The following NAV2 variants were observed in gnomAD, a reference collection of about 807,000 sequenced individuals.
NAV2 encodes neuron navigator 2, also known as helicase, APC down-regulated 1.
Under a neutral mutation model 223.2 loss-of-function variants are expected in NAV2, and 54 were observed. The observed-to-expected ratio is 0.24, with a 90% CI of 0.19 to 0.30. The LOEUF (loss-of-function observed/expected upper bound fraction) is 0.30, where lower values mean the gene tolerates loss of function less well. Ranked by LOEUF, NAV2 falls within the 10% of genes least tolerant of loss-of-function variation. The pLI is 1.00. For missense variants in NAV2, 2,806 were observed against 3,147.5 expected (o/e 0.89, Z 2.60); for synonymous variants, 1,279 against 1,239.3 (o/e 1.03, Z -0.67).
At chr11:19,929,291 G>A (rs1019589472) in intron 6 of NAV2, among the ~76,000 whole-genome samples, 1 of 152,054 alleles carries the variant, frequency 6.6e-6, no homozygotes, top group Non-Finnish European at 1.5e-5. Flanking sequence ...GGAGGAACAG[G>A]CCCCAAACAG....
At chr11:20,112,613 G>A (rs1354799322) in intron 36 of NAV2, among the ~76,000 whole-genome samples, 1 of 152,192 alleles carries the variant, frequency 6.6e-6, no homozygotes, top group East Asian at 1.9e-4. Context: ...AGCCTGCTCC[G>A]CGTCTCCCTG....
chr11:20,098,922 T>A (rs577906610), intron 31 of NAV2, among the ~76,000 whole-genome samples: 1 of 152,320 alleles, frequency 6.6e-6, no homozygotes, highest in East Asian at 1.9e-4. Context: ...TTTATTGAGC[T>A]CTTTGTACCT....
chr11:19,815,495 CT>C (rs2059046911), intron 1 of NAV2, among the ~76,000 whole-genome samples: 1 of 152,200 alleles, frequency 6.6e-6, no homozygotes, highest in Admixed American at 6.5e-5. Context: ...ATGAACACAT[CT>C]TATATGCCTG....
chr11:19,996,960 T>G (rs991963223), intron 11 of NAV2, among the ~76,000 whole-genome samples: 1 of 152,134 alleles, frequency 6.6e-6, no homozygotes, highest in Non-Finnish European at 1.5e-5. Context: ...GGATTTCTAT[T>G]GGTACCTCTT....
intron 11 of NAV2, among the ~76,000 whole-genome samples, chr11:19,997,366 G>A (rs1192962755): frequency 1.3e-5 from 2 of 152,186 alleles, no homozygotes; most frequent in Non-Finnish European, 1.5e-5. Flanking sequence ...CATTGTCAGT[G>A]TGGTAGCAAC....
At chr11:19,527,265 T>A (rs1590413320) in intron 1 of NAV2, among the ~76,000 whole-genome samples, 1 of 152,334 alleles carries the variant, frequency 6.6e-6, no homozygotes, top group East Asian at 1.9e-4. Flanking sequence ...TGCGTGACTC[T>A]CATTCTCTGT....
intron 22 of NAV2, 97 bp from the exon 23 acceptor site, chr11:20,077,455 A>C: frequency 1.1e-6 from 1 of 895,000 alleles, no homozygotes; most frequent in Non-Finnish European, 1.8e-6. Context: ...AGCCTAGATC[A>C]ATGGACCCAC....
At chr11:19,436,885 A>G (rs557523612) in intron 1 of NAV2, among the ~76,000 whole-genome samples, 2 of 152,204 alleles carry the variant, frequency 1.3e-5, no homozygotes, top group East Asian at 3.9e-4. Context: ...CAAATAGTTC[A>G]TTGTTAGTGT....
chr11:19,864,684 A>G (rs1160334719), intron 3 of NAV2, among the ~76,000 whole-genome samples: 1 of 152,202 alleles, frequency 6.6e-6, no homozygotes, highest in Non-Finnish European at 1.5e-5. Context: ...ACTGTTGAGA[A>G]ACTAAACTTT....
At chr11:19,659,450 G>A (rs1222982695) in intron 1 of NAV2, among the ~76,000 whole-genome samples, 3 of 152,140 alleles carry the variant, frequency 2.0e-5, no homozygotes, top group Non-Finnish European at 4.4e-5. Context: ...CGTGCTGGGG[G>A]GTGATGTGCT....
intron 1 of NAV2, among the ~76,000 whole-genome samples, chr11:19,733,035 C>T (rs1341748495): frequency 3.3e-5 from 5 of 152,186 alleles, no homozygotes; most frequent in South Asian, 2.1e-4. Context: ...TTCTAGGGAG[C>T]GGCTGGGGGT....
chr11:19,869,001 A>G lies in NAV2; in HGVS notation c.511+4A>G, dbSNP rs780983793. ...ATCCAGGGGCTGTCTGCAGAAGGTG[A>G]GTCAGAGCGCTTGTCACGAAGCTGC... On this transcript the variant is annotated splice_donor_region_variant and intron_variant, in intron 4 of 37. Coordinates refer to ENST00000349880, the MANE Select transcript of NAV2 (RefSeq NM_145117.5). 5 of 1,613,722 alleles carry G rather than the reference A, an allele frequency of 3.1e-6. No homozygotes were observed. Among genetic ancestry groups the G allele is most frequent in the Non-Finnish European group, 4.2e-6 (5 of 1,179,792 alleles).
intron 6 of NAV2, among the ~76,000 whole-genome samples, chr11:19,928,949 C>G (rs1411931621): frequency 1.3e-5 from 2 of 152,154 alleles, no homozygotes; most frequent in East Asian, 3.9e-4. Flanking sequence ...TCATAGGACC[C>G]CAGGATTAGA....
intron 1 of NAV2, among the ~76,000 whole-genome samples, chr11:19,429,464 A>G (rs1436127629): frequency 1.3e-5 from 2 of 152,206 alleles, no homozygotes; most frequent in African/African-American, 4.8e-5. Context: ...TTACCCAGTG[A>G]GTGACCTTCG....
intron 7 of NAV2, among the ~76,000 whole-genome samples, chr11:19,935,494 C>T (rs556321626): frequency 6.6e-6 from 1 of 152,308 alleles, no homozygotes; most frequent in East Asian, 1.9e-4. Flanking sequence ...AGACTTTCAG[C>T]TTGCTATGTT....
Position 19,934,278 on chromosome 11 carries a change from G to A in NAV2, c.2033+1G>A, listed in dbSNP as rs763714502. On this transcript the variant is annotated splice_donor_variant, in intron 7 of 37. Coordinates refer to ENST00000349880, the MANE Select transcript of NAV2 (RefSeq NM_145117.5). LOFTEE classifies it high-confidence loss of function. ...CCACGGTTGCACCTTTCCTGTACAG[G>A]TAGGAGCTGCCACCCACCTGTGCTG... The A allele has an allele frequency of 1.3e-6, 2 of 1,569,864 alleles. No individual in the cohort carries two copies. Among genetic ancestry groups the A allele is most frequent in the East Asian group, 2.3e-5 (1 of 44,398 alleles).
intron 1 of NAV2, among the ~76,000 whole-genome samples, chr11:19,630,623 A>G (rs180807064): frequency 1.3e-5 from 2 of 152,326 alleles, no homozygotes; most frequent in African/African-American, 4.8e-5. Context: ...ACAGTGGCTC[A>G]CATCTCTAAT....
At chr11:19,373,545 C>T (rs1002263446) in intron 1 of NAV2, among the ~76,000 whole-genome samples, 1 of 152,186 alleles carries the variant, frequency 6.6e-6, no homozygotes, top group Non-Finnish European at 1.5e-5. Flanking sequence ...CTCTGAAAGA[C>T]CTCCTCTGAT....
chr11:19,763,454 C>T (rs978553788), intron 1 of NAV2, among the ~76,000 whole-genome samples: 20 of 152,018 alleles, frequency 1.3e-4, no homozygotes, highest in African/African-American at 4.6e-4. Flanking sequence ...TGGTGTAGAC[C>T]CACGGTGTGG....
Sources: allele counts gnomAD v4.1 joint callset (sites outside exome capture counted in the v4.1 genomes callset), GRCh38; gene constraint gnomAD v4.1.1; transcripts MANE v1.5; gene names NCBI Gene and HGNC (gene_info 2026-07-23, HGNC 2026-07-21).